Variants in ANKRD13B observed in about 807,000 individuals in gnomAD.
ANKRD13B encodes the protein ankyrin repeat domain 13B.
ANKRD13B carries 33 observed loss-of-function variants against 74.4 expected under a neutral mutation model. The observed-to-expected ratio is 0.44, with a 90% CI of 0.34 to 0.59. The LOEUF (loss-of-function observed/expected upper bound fraction) is 0.59, where lower values mean the gene tolerates loss of function less well. ANKRD13B is among the 20% of genes least tolerant of loss of function. ANKRD13B has a pLI of 0.02. For synonymous variants in ANKRD13B, 341 were observed against 362.9 expected, an observed-to-expected ratio of 0.94 and a Z score of 0.68; for missense variants, 676 against 877.9, an observed-to-expected ratio of 0.77 and a Z score of 2.91.
chr17:29,608,683 G>A lies in ANKRD13B; in HGVS notation c.422-168G>A. On this transcript the variant is annotated intron_variant, in intron 4 of 14. Coordinates refer to ENST00000394859, the MANE Select transcript of ANKRD13B (RefSeq NM_152345.5). This position sits in a 1 kb window ranked among gnomAD's most constrained non-coding sequence, Gnocchi z 6.4. ...CCGACCTCAGGTTGCTCTTCTGTGT[G>A]AGTATGGTCTACACTGGCCAGGGAG... The A allele has an allele frequency of 1.1e-6, 1 of 945,474 alleles. No individual in the cohort carries two copies. The highest frequency in any genetic ancestry group is 1.5e-6 in the Non-Finnish European group (1 of 649,762). 58.6% of individuals were successfully genotyped at this position (945,474 alleles called of 1,614,324 possible). A position where few individuals can be genotyped will look rare whatever the true frequency, so the allele number is the denominator to read the frequency against.
In ANKRD13B at chr17:29,611,524, G is replaced by A; in HGVS notation, c.905-55G>A. The A allele has an allele frequency of 6.3e-7, 1 of 1,580,846 alleles. No homozygotes were observed. The highest frequency in any genetic ancestry group is 1.3e-5 in the African/African-American group (1 of 74,386). ...CTTGGGTGCTGTCACCTCTGATGAG[G>A]TGCCCAGGTGTGTGTGGAGTTGCGG... On this transcript the variant is annotated intron_variant, in intron 8 of 14. Coordinates refer to ENST00000394859, the MANE Select transcript of ANKRD13B (RefSeq NM_152345.5). This position sits in a 1 kb window ranked among gnomAD's most constrained non-coding sequence, Gnocchi z 4.3.
chr17:29,596,170 C>T lies in ANKRD13B; in HGVS notation c.114+2435C>T, dbSNP rs116633125. On this transcript the variant is annotated intron_variant, in intron 1 of 14. Transcript: ENST00000394859. ...CCAAGAAAGCCCCGCAGAGGCCCTC[C>T]GTGGGCAGGCTTGGCAGTGCAGCTG... 3.8e-3 allele frequency among the ~76,000 whole-genome samples: 584 copies of T among 152,358 alleles called. 4 individuals carry two copies. The highest frequency in any genetic ancestry group is 0.013 in the African/African-American group (542 of 41,588).
intron 1 of ANKRD13B, among the ~76,000 whole-genome samples, chr17:29,598,444 C>T (rs989187775): frequency 6.6e-6 from 1 of 152,100 alleles, no homozygotes; most frequent in Non-Finnish European, 1.5e-5. Flanking sequence ...TGTCATTTAC[C>T]TCCCTAATTA....
rs556405117 is a variant in ANKRD13B at position 29,609,025 on chromosome 17, G to C, written c.565+31G>C. Reference sequence around the variant, plus strand: ...GCAGGCAGGAAGTGGGGCAGGGTGGGGACGATGGGAGGCAGCCCCAGGCCA... The same window carrying C: ...GCAGGCAGGAAGTGGGGCAGGGTGGCGACGATGGGAGGCAGCCCCAGGCCA... On this transcript the variant is annotated intron_variant, in intron 5 of 14. Coordinates refer to ENST00000394859, the MANE Select transcript of ANKRD13B (RefSeq NM_152345.5). This position sits in a 1 kb window ranked among gnomAD's most constrained non-coding sequence, Gnocchi z 4.0. 72 of 1,613,656 alleles carry C rather than the reference G, an allele frequency of 4.5e-5. No homozygotes were observed. Among genetic ancestry groups the C allele is most frequent in the Admixed American group, 2.7e-4 (16 of 60,034 alleles).
chr17:29,603,258 T>C (rs2034246390), intron 1 of ANKRD13B, among the ~76,000 whole-genome samples: 2 of 152,170 alleles, frequency 1.3e-5, no homozygotes, highest in South Asian at 2.1e-4. Context: ...TGAGGCTCCA[T>C]AGAGACAGGG....
chr17:29,608,660 G>T lies in ANKRD13B; in HGVS notation c.422-191G>T. ...GTGGTGACAGAAACATGCCCGTCCC[G>T]ACCTCAGGTTGCTCTTCTGTGTGAG... On this transcript the variant is annotated intron_variant, in intron 4 of 14. Transcript: ENST00000394859. This position sits in a 1 kb window ranked among gnomAD's most constrained non-coding sequence, Gnocchi z 6.4. The T allele has an allele frequency of 1.4e-6, 1 of 729,970 alleles. No homozygotes were observed. The highest frequency in any genetic ancestry group is 2.0e-5 in the South Asian group (1 of 51,092). 45.2% of individuals were successfully genotyped at this position (729,970 alleles called of 1,614,324 possible).
intron 1 of ANKRD13B, among the ~76,000 whole-genome samples, chr17:29,607,128 A>T (rs2034418962): frequency 6.6e-6 from 1 of 152,214 alleles, no homozygotes; most frequent in Non-Finnish European, 1.5e-5. Context: ...ATGCAATGTA[A>T]TCATGTTATT....
rs535380654 is a variant in ANKRD13B, at chr17:29,607,970, C to T, written c.251-16C>T. On this transcript the variant is annotated splice_polypyrimidine_tract_variant and intron_variant, in intron 2 of 14. Transcript: ENST00000394859. ...TGAAGGGTCCTGCCCTGTGACCTTG[C>T]CTCGCCCTCCCCCAGTGCTCCAGGA... 13 of 1,596,514 alleles carry T rather than the reference C, an allele frequency of 8.1e-6. No individual in the cohort carries two copies. The highest frequency in any genetic ancestry group is 7.8e-5 in the South Asian group (7 of 89,224).
intron 1 of ANKRD13B, among the ~76,000 whole-genome samples, chr17:29,596,989 C>G (rs1307978991): frequency 6.6e-6 from 1 of 152,162 alleles, no homozygotes; most frequent in Non-Finnish European, 1.5e-5. Context: ...CATCCTGCCT[C>G]CCTCCCCTTG....
At chr17:29,610,544 C>T in intron 7 of ANKRD13B, 141 bp from the exon 8 acceptor site, 2 of 557,324 alleles carry the variant, frequency 3.6e-6, no homozygotes, top group Non-Finnish European at 6.2e-6. Flanking sequence ...AATGAATGAC[C>T]TCATATATTC....
chr17:29,613,395 C>A lies in ANKRD13B; in HGVS notation c.1694C>A (p.Ala565Glu). 1 of 1,488,994 alleles carries A rather than the reference C, an allele frequency of 6.7e-7. No individual in the cohort carries two copies. Among genetic ancestry groups the A allele is most frequent in the Non-Finnish European group, 8.9e-7 (1 of 1,124,726 alleles). The allele number at this position is 1,488,994 out of a possible 1,614,324, so 92.2% of individuals were successfully genotyped here. Residue 565 changes from alanine (A) to glutamate (E), a missense_variant, in exon 15 of 15, where the codon GCG becomes GAG. Transcript: ENST00000394859. ...CCGCAGCGCCAGCCTGCGCCCCCGGCGTCAGTGCCCAGCCCTCGGCCCAGC... is the reference window on the plus strand; with the variant it reads ...CCGCAGCGCCAGCCTGCGCCCCCGGAGTCAGTGCCCAGCCCTCGGCCCAGC... ...PTPQRQPAPPASVPSPRPSSG... is the reference protein window; with the variant it reads ...PTPQRQPAPPESVPSPRPSSG...
chr17:29,597,795 C>T (rs993214818), intron 1 of ANKRD13B, among the ~76,000 whole-genome samples: 1 of 150,308 alleles, frequency 6.7e-6, no homozygotes, highest in South Asian at 2.3e-4. Context: ...GTATGGGGTG[C>T]TGAGCCATCC....
chr17:29,609,479 A>G lies in ANKRD13B; in HGVS notation c.822+58A>G. 2 of 1,593,958 alleles carry G rather than the reference A, an allele frequency of 1.3e-6. No homozygotes were observed. Among genetic ancestry groups the G allele is most frequent in the Non-Finnish European group, 1.7e-6 (2 of 1,166,384 alleles). ...TGCACTCTTGCCTACAGCAAGCTGTACAGGGGATTCTGACCTCCCTTCCCC... is the reference window on the plus strand; with the variant it reads ...TGCACTCTTGCCTACAGCAAGCTGTGCAGGGGATTCTGACCTCCCTTCCCC... On this transcript the variant is annotated intron_variant, in intron 7 of 14. Coordinates refer to ENST00000394859, the MANE Select transcript of ANKRD13B (RefSeq NM_152345.5). This position sits in a 1 kb window ranked among gnomAD's most constrained non-coding sequence, Gnocchi z 4.0.
Position 29,608,010 on chromosome 17 carries a change from G to A in ANKRD13B, c.275G>A (p.Arg92Gln), listed in dbSNP as rs547394705. ...WTVLQEAVST[R>Q]DLELVQLVLR... ...GTGCTCCAGGAGGCTGTGAGTACCCGGGACCTGGAGCTGGTGCAGCTGGTG... is the reference window on the plus strand; with the variant it reads ...GTGCTCCAGGAGGCTGTGAGTACCCAGGACCTGGAGCTGGTGCAGCTGGTG... Residue 92 changes from arginine to glutamine, a missense_variant, in exon 3 of 15, where the codon CGG becomes CAG. Physicochemically the swap from Arg to Gln is conservative, Grantham distance 43 (BLOSUM62 1). Transcript: ENST00000394859. This position sits in a 1 kb window ranked among gnomAD's most constrained non-coding sequence, Gnocchi z 6.4. 47 of 1,610,636 alleles carry A rather than the reference G, an allele frequency of 2.9e-5. No individual in the cohort carries two copies. The highest frequency in any genetic ancestry group is 3.0e-5 in the Non-Finnish European group (35 of 1,178,186).
At chr17:29,601,453 C>G (rs910952681) in intron 1 of ANKRD13B, among the ~76,000 whole-genome samples, 3 of 152,048 alleles carry the variant, frequency 2.0e-5, no homozygotes, top group Non-Finnish European at 4.4e-5. Context: ...AACTCCTGAC[C>G]TCTGGTGACC....
chr17:29,613,408 C>A lies in ANKRD13B; in HGVS notation c.1707C>A (p.Ser569Arg). The A allele has an allele frequency of 6.6e-7, 1 of 1,509,826 alleles. No individual in the cohort carries two copies. The highest frequency in any genetic ancestry group is 8.8e-7 in the Non-Finnish European group (1 of 1,133,786). The allele number at this position is 1,509,826 out of a possible 1,614,324, so 93.5% of individuals were successfully genotyped here. A position where few individuals can be genotyped will look rare whatever the true frequency, so the allele number is the denominator to read the frequency against. ...RQPAPPASVP[S>R]PRPSSGPGSG... is the part of the protein sequence containing the mutation. Reference sequence around the variant, plus strand: ...CTGCGCCCCCGGCGTCAGTGCCCAGCCCTCGGCCCAGCTCAGGGCCAGGTT... The same window carrying A: ...CTGCGCCCCCGGCGTCAGTGCCCAGACCTCGGCCCAGCTCAGGGCCAGGTT... Residue 569 changes from serine to arginine, a missense_variant, in exon 15 of 15, where the codon AGC (serine) becomes AGA (arginine). Coordinates refer to ENST00000394859, the MANE Select transcript of ANKRD13B (RefSeq NM_152345.5).
intron 1 of ANKRD13B, among the ~76,000 whole-genome samples, chr17:29,600,709 G>A (rs1457260356): frequency 6.6e-6 from 1 of 151,932 alleles, no homozygotes; most frequent in Non-Finnish European, 1.5e-5. Context: ...TTGCCTGCAG[G>A]TCCTACCTAC....
rs1408221910 is a variant in ANKRD13B at position 29,609,371 on chromosome 17, C to T, written c.772C>T (p.Leu258=). Residue 258 remains leucine (L), a synonymous_variant, in exon 7 of 15, where the codon CTG becomes TTG. Coordinates refer to ENST00000394859, the MANE Select transcript of ANKRD13B (RefSeq NM_152345.5). This position sits in a 1 kb window ranked among gnomAD's most constrained non-coding sequence, Gnocchi z 4.0. ...CTTCCCCAGGAACAAGACTGGCATC[C>T]TGGGCTGGCGCAGTGAAAAGACGGA... The part of the protein sequence containing the change: ...ISFERNKTGI[L]GWRSEKTEMV... The T allele has an allele frequency of 1.2e-6, 2 of 1,613,404 alleles. No homozygotes were observed. The highest frequency in any genetic ancestry group is 1.7e-6 in the Non-Finnish European group (2 of 1,180,030).
Position 29,613,545 on chromosome 17 carries a change from T to C in ANKRD13B, c.1844T>C (p.Leu615Pro). 6.6e-7 allele frequency: 1 copy of C among 1,519,844 alleles called. No individual in the cohort carries two copies. The highest frequency in any genetic ancestry group is 8.8e-7 in the Non-Finnish European group (1 of 1,136,124). 94.1% of individuals were successfully genotyped at this position (1,519,844 alleles called of 1,614,324 possible). Residue 615 changes from leucine to proline, a missense_variant, in exon 15 of 15, where the codon CTG becomes CCG. Leu to Pro is a moderately conservative substitution (Grantham distance 98). Around this residue, in one of 4 missense-constraint regions of ANKRD13B, gnomAD observed 108 missense variants for 90.3 expected, o/e 1.20. Transcript: ENST00000394859. The part of the protein sequence containing the change: ...RRRARQEEEE[L>P]ERILRLSLTE... ...CGCGCGCGCCAGGAGGAGGAGGAGC[T>C]GGAGCGCATCCTGAGGCTCTCACTG... is the stretch of plus-strand genomic sequence containing the variant.
Sources: gnomAD v4.1 joint callset for allele counts (sites outside exome capture counted in the v4.1 genomes callset) on GRCh38, gnomAD v4.1.1 for gene constraint, gnomAD v4.1.1 regional missense constraint, Gnocchi (gnomAD v3.1) non-coding constraint, MANE v1.5 for transcripts, NCBI Gene and HGNC (gene_info 2026-07-23, HGNC 2026-07-21) for gene names.